PDE11A: variants seen among roughly 807,000 people sequenced by gnomAD.
The protein encoded by PDE11A is phosphodiesterase 11A, also known as dual 3',5'-cyclic-AMP and -GMP phosphodiesterase 11A.
A neutral mutation model predicts 100.5 loss-of-function variants in PDE11A; 100 were observed. The ratio of observed to expected loss-of-function variants is 1.00; its 90% CI spans 0.85 to 1.18. PDE11A has a LOEUF of 1.18. PDE11A is among the 50% of genes most tolerant of loss of function. The pLI is 0.00. For synonymous variants in PDE11A, 381 were observed against 420.8 expected, an observed-to-expected ratio of 0.91 and a Z score of 1.16; for missense variants, 1,141 against 1,152.6, an observed-to-expected ratio of 0.99 and a Z score of 0.15.
chr2:178,002,410 A>G (rs903692054), intron 2 of PDE11A, among the ~76,000 whole-genome samples: 1 of 152,002 alleles, frequency 6.6e-6, no homozygotes, highest in Non-Finnish European at 1.5e-5. Context: ...AGAATGATTT[A>G]TTTTCTTTTG....
At chr2:177,739,625 C>T (rs188893611) in intron 10 of PDE11A, among the ~76,000 whole-genome samples, 98 of 152,308 alleles carry the variant, frequency 6.4e-4, no homozygotes, top group African/African-American at 2.2e-3. Flanking sequence ...CAAAAAGTAT[C>T]GTAGAGTCTC....
intron 1 of PDE11A, among the ~76,000 whole-genome samples, chr2:178,037,872 G>C (rs1224744630): frequency 1.3e-5 from 2 of 151,932 alleles, no homozygotes; most frequent in Non-Finnish European, 2.9e-5. Flanking sequence ...GGCCTGTCAG[G>C]GGGTGGGGGA....
intron 2 of PDE11A, among the ~76,000 whole-genome samples, chr2:178,086,298 C>T (rs976831068): frequency 2.0e-5 from 3 of 152,188 alleles, no homozygotes; most frequent in Non-Finnish European, 4.4e-5. Flanking sequence ...TCACTTCTAT[C>T]ACATCCTATT....
intron 19 of PDE11A, among the ~76,000 whole-genome samples, chr2:177,638,688 T>C (rs2080091206): frequency 6.6e-6 from 1 of 152,250 alleles, no homozygotes; most frequent in Non-Finnish European, 1.5e-5. Flanking sequence ...GAGGCTTGCT[T>C]TTCAGCTGCG....
At chr2:177,999,265 G>C (rs2086114634) in intron 2 of PDE11A, among the ~76,000 whole-genome samples, 1 of 152,220 alleles carries the variant, frequency 6.6e-6, no homozygotes, top group African/African-American at 2.4e-5. Context: ...CCACTGAAAA[G>C]AAGCAATGGA....
chr2:178,071,560 T>C lies in PDE11A; in HGVS notation c.878A>G (p.His293Arg), dbSNP rs754584578. The change falls in exon 1 of 20, where the codon CAT (histidine) becomes CGT (arginine). Residue 293 changes from histidine to arginine, a missense_variant. His to Arg is a conservative substitution (Grantham distance 29). Transcript: ENST00000286063. ...ATCAGGAATGTTGACCGTTTCTCCA[T>C]GCTCCCCGACATAGCCAATGATACC... ...GKGIIGYVGE[H>R]GETVNIPDAY... is the part of the protein sequence containing the mutation. The C allele has an allele frequency of 1.2e-6, 2 of 1,613,284 alleles. No individual in the cohort carries two copies. Among genetic ancestry groups the C allele is most frequent in the Non-Finnish European group, 1.7e-6 (2 of 1,179,188 alleles).
chr2:177,923,423 G>A (rs535355717), intron 2 of PDE11A, among the ~76,000 whole-genome samples: 1 of 152,172 alleles, frequency 6.6e-6, no homozygotes, highest in Non-Finnish European at 1.5e-5. Flanking sequence ...GGTAGGGCTA[G>A]CTTCAGTAAG....
intron 19 of PDE11A, among the ~76,000 whole-genome samples, chr2:177,654,058 G>T (rs548489745): frequency 1.3e-5 from 2 of 152,194 alleles, no homozygotes; most frequent in South Asian, 4.1e-4. Flanking sequence ...TTGAAAAAAA[G>T]AAATGCAACT....
intron 2 of PDE11A, among the ~76,000 whole-genome samples, chr2:177,942,254 A>C (rs562963982): frequency 2.0e-5 from 3 of 152,318 alleles, no homozygotes; most frequent in Non-Finnish European, 2.9e-5. Flanking sequence ...AATTGGGGTA[A>C]TAATAGATTC....
chr2:177,758,481 C>T (rs544341373), intron 10 of PDE11A, among the ~76,000 whole-genome samples: 14 of 152,214 alleles, frequency 9.2e-5, no homozygotes, highest in African/African-American at 3.4e-4. Context: ...CTCAACAGAG[C>T]TACCATTTCA....
chr2:178,040,537 C>T (rs140687475), intron 1 of PDE11A, among the ~76,000 whole-genome samples: 1 of 152,306 alleles, frequency 6.6e-6, no homozygotes, highest in African/African-American at 2.4e-5. Context: ...ATATGTTCAG[C>T]ACACATATTG....
chr2:177,855,691 G>C (rs2083820228), intron 5 of PDE11A, among the ~76,000 whole-genome samples: 1 of 151,988 alleles, frequency 6.6e-6, no homozygotes, highest in Admixed American at 6.6e-5. Context: ...CTGACTCAGG[G>C]CTTGTTTATT....
chr2:177,763,936 GC>G lies in PDE11A; in HGVS notation c.1788+5386del, dbSNP rs554122442. Among the ~76,000 whole-genome samples the G allele has an allele frequency of 6.6e-5, 10 of 152,338 alleles. No homozygotes were observed. In the South Asian group the frequency reaches 2.1e-3, roughly 32 times the overall value. ...AAGGGGGGCAGCCCTGCACCCGCCTGCTGTGCAAGGGGCCCTAGTGCAGGGC... is the reference window on the plus strand; with the variant it reads ...AAGGGGGGCAGCCCTGCACCCGCCTGTGTGCAAGGGGCCCTAGTGCAGGGC... On this transcript the variant is annotated intron_variant, in intron 10 of 19. Coordinates refer to ENST00000286063, the MANE Select transcript of PDE11A (RefSeq NM_016953.4).
At chr2:177,746,197 TA>T (rs1247449713) in intron 10 of PDE11A, among the ~76,000 whole-genome samples, 2 of 152,166 alleles carry the variant, frequency 1.3e-5, no homozygotes, top group South Asian at 2.1e-4. Context: ...TGAGACTTTC[TA>T]AAAAAAATTC....
In PDE11A at chr2:177,737,509, G is replaced by A. The variant is rs1396177641; in HGVS notation, c.1789-9337C>T. ...CCAGCTACTTGGGAGGCTCAGGCAG[G>A]AGAATGGCATTAGCCTGGGAGGCGG... is the stretch of plus-strand genomic sequence containing the variant. On this transcript the variant is annotated intron_variant, in intron 10 of 19. Coordinates refer to ENST00000286063, the MANE Select transcript of PDE11A (RefSeq NM_016953.4). Among the ~76,000 whole-genome samples, 3 of 151,554 alleles carry A rather than the reference G, an allele frequency of 2.0e-5. No individual in the cohort carries two copies. In the South Asian group the frequency reaches 6.3e-4, roughly 32 times the overall value.
chr2:177,763,861 C>G (rs1212289977), intron 10 of PDE11A, among the ~76,000 whole-genome samples: 1 of 152,168 alleles, frequency 6.6e-6, no homozygotes, highest in Admixed American at 6.5e-5. Context: ...GGAGCGCCAC[C>G]TGGTGGATCA....
At chr2:177,728,273 G>A (rs1214411175) in intron 10 of PDE11A, 101 bp from the exon 11 acceptor site, 1 of 961,482 alleles carries the variant, frequency 1.0e-6, no homozygotes, top group Non-Finnish European at 1.6e-6. Context: ...CATAAATCAG[G>A]CCTGACCTGC....
chr2:177,919,176 C>A (rs1435668806), intron 2 of PDE11A, among the ~76,000 whole-genome samples: 1 of 135,406 alleles, frequency 7.4e-6, no homozygotes, highest in Non-Finnish European at 1.7e-5. Context: ...TGGCTCACTG[C>A]AACCTCCGCC....
At chr2:177,858,622 A>T (rs1574223859) in intron 5 of PDE11A, among the ~76,000 whole-genome samples, 1 of 152,346 alleles carries the variant, frequency 6.6e-6, no homozygotes, top group South Asian at 2.1e-4. Flanking sequence ...ATGTGGAGAA[A>T]TAGGAACACT....
Sources: allele counts gnomAD v4.1 joint callset (sites outside exome capture counted in the v4.1 genomes callset), GRCh38; gene constraint gnomAD v4.1.1; transcripts MANE v1.5; gene names NCBI Gene and HGNC (gene_info 2026-07-23, HGNC 2026-07-21).